ERBB4: variants seen among roughly 807,000 people sequenced by gnomAD.
ERBB4 encodes the protein receptor tyrosine-protein kinase erbB-4.
ERBB4 carries 42 observed loss-of-function variants against 158.0 expected under a neutral mutation model. That is an observed-to-expected ratio of 0.27 (90% CI 0.21 to 0.34). ERBB4 has a LOEUF of 0.34. ERBB4 is among the 10% of genes least tolerant of loss of function. The pLI is 1.00. For missense variants in ERBB4, 1,333 were observed against 1,624.1 expected (o/e 0.82, Z 3.08); for synonymous variants, 583 against 558.7 (o/e 1.04, Z -0.61).
At chr2:212,429,456 T>C (rs542925135) in intron 1 of ERBB4, among the ~76,000 whole-genome samples, 1 of 152,276 alleles carries the variant, frequency 6.6e-6, no homozygotes, top group East Asian at 1.9e-4. Context: ...CAAGTGTGGA[T>C]AGCTGAGTAT....
intron 1 of ERBB4, among the ~76,000 whole-genome samples, chr2:212,421,659 A>C (rs1429403717): frequency 6.6e-6 from 1 of 152,204 alleles, no homozygotes; most frequent in Non-Finnish European, 1.5e-5. Context: ...AGAACCACTA[A>C]GTGGAAGAAG....
At chr2:212,223,611 A>G (rs1478217636) in intron 1 of ERBB4, among the ~76,000 whole-genome samples, 1 of 151,372 alleles carries the variant, frequency 6.6e-6, no homozygotes, top group Non-Finnish European at 1.5e-5. Flanking sequence ...TTAATTTGGA[A>G]AGCCACTGTG....
Position 211,460,054 on chromosome 2 carries a change from G to T in ERBB4, c.2488-28954C>A, listed in dbSNP as rs1025824213. On this transcript the variant is annotated intron_variant, in intron 20 of 27. Transcript: ENST00000342788. ...TTTATTCAGAAGTCCTTTAGTTTCT[G>T]AAATCTCCATAATAACCACCTTTTT... Among the ~76,000 whole-genome samples, 5 of 148,124 alleles carry T rather than the reference G, an allele frequency of 3.4e-5. No homozygotes were observed. The East Asian group carries it at 8.4e-4, about 25-fold the overall frequency.
chr2:212,141,014 G>A (rs534499459), intron 1 of ERBB4, among the ~76,000 whole-genome samples: 1 of 151,420 alleles, frequency 6.6e-6, no homozygotes, highest in African/African-American at 2.4e-5. Flanking sequence ...TATCTCTTCT[G>A]ATCTCATATT....
rs1040126909 is a variant in ERBB4, at chr2:212,512,113, C to G, written c.82+26336G>C. 3.3e-5 allele frequency among the ~76,000 whole-genome samples: 5 copies of G among 152,146 alleles called. No individual in the cohort carries two copies. In the East Asian group the frequency reaches 5.8e-4, roughly 18 times the overall value. Reference sequence around the variant, plus strand: ...ATAGGCTTAGAACAATAATGATTCTCTCCCCAGGGATGGGGGACAATTGAA... The same window carrying G: ...ATAGGCTTAGAACAATAATGATTCTGTCCCCAGGGATGGGGGACAATTGAA... On this transcript the variant is annotated intron_variant, in intron 1 of 27. Transcript: ENST00000342788.
At chr2:211,900,559 G>A (rs1013341856) in intron 3 of ERBB4, among the ~76,000 whole-genome samples, 11 of 134,950 alleles carry the variant, frequency 8.2e-5, no homozygotes, top group Non-Finnish European at 1.2e-4. Context: ...ATTGAAAAGC[G>A]GGTCCTTCAA....
intron 16 of ERBB4, among the ~76,000 whole-genome samples, chr2:211,636,151 A>G (rs1326879808): frequency 1.3e-5 from 2 of 152,066 alleles, no homozygotes; most frequent in Non-Finnish European, 2.9e-5. Flanking sequence ...AAACAAACAA[A>G]GACAGGCTAG....
At chr2:211,856,711 T>C (rs1016754254) in intron 3 of ERBB4, among the ~76,000 whole-genome samples, 2 of 152,142 alleles carry the variant, frequency 1.3e-5, no homozygotes, top group East Asian at 1.9e-4. Context: ...CTTTCTAGTC[T>C]GGAGGAAAGA....
At chr2:211,906,660 C>T (rs1575354182) in intron 3 of ERBB4, among the ~76,000 whole-genome samples, 1 of 151,480 alleles carries the variant, frequency 6.6e-6, no homozygotes, top group Non-Finnish European at 1.5e-5. Flanking sequence ...GGTACTAAGC[C>T]TAGTACCCAA....
intron 20 of ERBB4, among the ~76,000 whole-genome samples, chr2:211,522,903 C>T (rs1559256336): frequency 6.6e-6 from 1 of 151,856 alleles, no homozygotes; most frequent in Admixed American, 6.6e-5. Context: ...TGCTTTATTA[C>T]AGCATTCACT....
Position 211,422,132 on chromosome 2 carries a change from C to T in ERBB4, c.2867-28G>A, listed in dbSNP as rs114399860. The T allele has an allele frequency of 8.7e-6, 12 of 1,386,864 alleles. 1 individual carries two copies. The highest frequency in any genetic ancestry group is 8.4e-5 in the Admixed American group (5 of 59,494). 85.9% of individuals were successfully genotyped at this position (1,386,864 alleles called of 1,614,324 possible). A position where few individuals can be genotyped will look rare whatever the true frequency, so the allele number is the denominator to read the frequency against. Reference sequence around the variant, plus strand: ...GGAAATTTACACAGTGAAAATGTCACTATATTCGTAACTAGAAAGGAGTTG... The same window carrying T: ...GGAAATTTACACAGTGAAAATGTCATTATATTCGTAACTAGAAAGGAGTTG... On this transcript the variant is annotated intron_variant, in intron 23 of 27. Coordinates refer to ENST00000342788, the MANE Select transcript of ERBB4 (RefSeq NM_005235.3).
intron 4 of ERBB4, among the ~76,000 whole-genome samples, chr2:211,752,856 C>T (rs1335984299): frequency 6.6e-6 from 1 of 152,108 alleles, no homozygotes; most frequent in South Asian, 2.1e-4. Flanking sequence ...ACTGTCTACT[C>T]GATATTATGA....
At chr2:212,113,743 A>G (rs771337322) in intron 2 of ERBB4, among the ~76,000 whole-genome samples, 9 of 152,068 alleles carry the variant, frequency 5.9e-5, no homozygotes, top group Non-Finnish European at 1.0e-4. Flanking sequence ...CACTACCTAT[A>G]TGTCTGTTAG....
intron 1 of ERBB4, among the ~76,000 whole-genome samples, chr2:212,187,044 A>ATT (rs1017825287): frequency 6.6e-6 from 1 of 152,092 alleles, no homozygotes; most frequent in African/African-American, 2.4e-5. Context: ...CTAAGATCAG[A>ATT]TTTTACATAT....
rs1441317998 is a variant in ERBB4, at chr2:211,379,463, C to G, written c.*4152G>C. Reference sequence around the variant, plus strand: ...TTAAAGCAAGTTTTCCCAAGTGGAACCATATATGCCTACTTTCAGCTAAAC... The same window carrying G: ...TTAAAGCAAGTTTTCCCAAGTGGAAGCATATATGCCTACTTTCAGCTAAAC... On this transcript the variant is annotated 3_prime_UTR_variant, in exon 28 of 28. Coordinates refer to ENST00000342788, the MANE Select transcript of ERBB4 (RefSeq NM_005235.3). The G allele has an allele frequency of 4.3e-6, 1 of 230,242 alleles. No individual in the cohort carries two copies. The highest frequency in any genetic ancestry group is 2.2e-5 in the African/African-American group (1 of 45,164). 14.3% of individuals were successfully genotyped at this position (230,242 alleles called of 1,614,324 possible).
At chr2:211,913,086 C>G (rs2079580033) in intron 3 of ERBB4, among the ~76,000 whole-genome samples, 1 of 152,252 alleles carries the variant, frequency 6.6e-6, no homozygotes, top group Non-Finnish European at 1.5e-5. Flanking sequence ...ATTCTGAAGG[C>G]TCCCATCTGT....
intron 1 of ERBB4, among the ~76,000 whole-genome samples, chr2:212,327,499 G>A (rs750096021): frequency 2.6e-5 from 4 of 151,756 alleles, no homozygotes; most frequent in African/African-American, 9.7e-5. Flanking sequence ...GACTCAGTTA[G>A]TGCTCAAGGC....
intron 1 of ERBB4, among the ~76,000 whole-genome samples, chr2:212,491,774 G>A (rs1206814461): frequency 6.6e-6 from 1 of 151,272 alleles, no homozygotes; most frequent in Non-Finnish European, 1.5e-5. Context: ...AAACTTAGGT[G>A]CAATGCTGTT....
chr2:211,409,792 C>T (rs779928881), intron 25 of ERBB4, among the ~76,000 whole-genome samples: 1 of 152,192 alleles, frequency 6.6e-6, no homozygotes, highest in Non-Finnish European at 1.5e-5. Flanking sequence ...AAGCTTCTCA[C>T]ATACCCCTTA....
Sources: gnomAD v4.1 joint callset for allele counts (sites outside exome capture counted in the v4.1 genomes callset) on GRCh38, gnomAD v4.1.1 for gene constraint, MANE v1.5 for transcripts, NCBI Gene and HGNC (gene_info 2026-07-23, HGNC 2026-07-21) for gene names.